Variants in NKAIN2 observed in about 807,000 individuals in gnomAD.
The protein encoded by NKAIN2 is sodium/potassium transporting ATPase interacting 2.
A neutral mutation model predicts 32.6 loss-of-function variants in NKAIN2; 14 were observed. The observed-to-expected ratio is 0.43, with a 90% confidence interval of 0.28 to 0.67. NKAIN2 has a LOEUF of 0.67. Ranked by LOEUF, NKAIN2 falls within the 30% of genes least tolerant of loss-of-function variation. The pLI, the probability that NKAIN2 is intolerant of heterozygous loss-of-function variation, is 0.17. For synonymous variants in NKAIN2, 80 were observed against 87.2 expected, an observed-to-expected ratio of 0.92 and a Z score of 0.46; for missense variants, 198 against 258.3, an observed-to-expected ratio of 0.77 and a Z score of 1.60.
chr6:124,215,788 A>T (rs901206230), intron 1 of NKAIN2, among the ~76,000 whole-genome samples: 2 of 152,182 alleles, frequency 1.3e-5, no homozygotes, highest in African/African-American at 4.8e-5. Context: ...AATACATGAG[A>T]TCCAGAAACT....
intron 5 of NKAIN2, among the ~76,000 whole-genome samples, chr6:124,792,297 T>C (rs1368500015): frequency 6.6e-6 from 1 of 152,116 alleles, no homozygotes; most frequent in Non-Finnish European, 1.5e-5. Flanking sequence ...AAGATAAATA[T>C]CTGTTTCTTC....
chr6:124,137,593 C>T (rs1786882632), intron 1 of NKAIN2, among the ~76,000 whole-genome samples: 1 of 152,212 alleles, frequency 6.6e-6, no homozygotes, highest in East Asian at 1.9e-4. Flanking sequence ...GGAGGCATCA[C>T]TTTACCTGAT....
chr6:123,901,059 T>C (rs1774562960), intron 1 of NKAIN2, among the ~76,000 whole-genome samples: 1 of 152,180 alleles, frequency 6.6e-6, no homozygotes, highest in African/African-American at 2.4e-5. Flanking sequence ...GCCTATTGCA[T>C]CCTCGGTTGT....
chr6:124,086,553 G>C (rs1460271635), intron 1 of NKAIN2, among the ~76,000 whole-genome samples: 1 of 151,892 alleles, frequency 6.6e-6, no homozygotes, highest in East Asian at 1.9e-4. Flanking sequence ...TACCAAGTGT[G>C]TAACACAGTT....
chr6:124,561,075 G>A (rs1004931829), intron 3 of NKAIN2, among the ~76,000 whole-genome samples: 2 of 112,582 alleles, frequency 1.8e-5, no homozygotes, highest in Non-Finnish European at 4.1e-5. Flanking sequence ...CAGCCCTGAT[G>A]TGAGTCACTG....
intron 1 of NKAIN2, among the ~76,000 whole-genome samples, chr6:124,015,360 CA>C (rs1780518547): frequency 6.6e-6 from 1 of 152,106 alleles, no homozygotes; most frequent in African/African-American, 2.4e-5. Context: ...AAAAGAGATG[CA>C]GTAAACTCCT....
chr6:124,149,142 A>T (rs901900583), intron 1 of NKAIN2, among the ~76,000 whole-genome samples: 4 of 139,906 alleles, frequency 2.9e-5, no homozygotes, highest in African/African-American at 9.4e-5. Context: ...TTCCCACTTA[A>T]AAAAAAAAGG....
At chr6:124,698,700 T>C (rs1012614249) in intron 4 of NKAIN2, among the ~76,000 whole-genome samples, 1 of 152,196 alleles carries the variant, frequency 6.6e-6, no homozygotes, top group African/African-American at 2.4e-5. Context: ...AATTTATGTA[T>C]TGTGTTTTTC....
chr6:124,469,026 G>T (rs1311460316), intron 3 of NKAIN2, among the ~76,000 whole-genome samples: 2 of 152,132 alleles, frequency 1.3e-5, no homozygotes, highest in Non-Finnish European at 2.9e-5. Flanking sequence ...GCCCTTTGGG[G>T]ACACCCACAC....
At chr6:124,720,197 A>G (rs928578118) in intron 4 of NKAIN2, among the ~76,000 whole-genome samples, 12 of 152,220 alleles carry the variant, frequency 7.9e-5, no homozygotes, top group African/African-American at 2.7e-4. Flanking sequence ...ATTAAGCAAC[A>G]CAAAGACCAT....
chr6:124,791,543 A>C (rs947827579), intron 5 of NKAIN2, 144 bp downstream of exon 5: 3 of 493,410 alleles, frequency 6.1e-6, no homozygotes, highest in African/African-American at 5.7e-5. Context: ...ATCAGACTAA[A>C]GTGTTTCTCA....
chr6:124,704,496 A>AAAT (rs199629152), intron 4 of NKAIN2, among the ~76,000 whole-genome samples: 3 of 151,936 alleles, frequency 2.0e-5, no homozygotes, highest in Non-Finnish European at 1.5e-5. Context: ...AACTTGTTCC[A>AAAT]AATAATAATA....
At chr6:124,225,721 C>G (rs1372467270) in intron 1 of NKAIN2, among the ~76,000 whole-genome samples, 3 of 151,584 alleles carry the variant, frequency 2.0e-5, no homozygotes, top group African/African-American at 7.3e-5. Flanking sequence ...GTATAATATA[C>G]CTATAAAAAC....
chr6:124,365,898 G>T (rs1330413764), intron 3 of NKAIN2, among the ~76,000 whole-genome samples: 1 of 151,926 alleles, frequency 6.6e-6, no homozygotes, highest in African/African-American at 2.4e-5. Flanking sequence ...GACCTAATAG[G>T]TTGGAATGGA....
At chr6:123,985,524 GATAAACACAATAT>G (rs1360162042) in intron 1 of NKAIN2, among the ~76,000 whole-genome samples, 1 of 152,150 alleles carries the variant, frequency 6.6e-6, no homozygotes, top group Non-Finnish European at 1.5e-5. Context: ...GTTGAGTGAA[GATAAACACAATAT>G]ATATGCAATT....
intron 1 of NKAIN2, among the ~76,000 whole-genome samples, chr6:123,961,638 T>G (rs1017168854): frequency 6.6e-6 from 1 of 152,222 alleles, no homozygotes; most frequent in Admixed American, 6.5e-5. Flanking sequence ...ATTGGAGAGA[T>G]AATGGCTTGA....
chr6:124,334,789 C>T (rs1352515783), intron 2 of NKAIN2, among the ~76,000 whole-genome samples: 1 of 152,134 alleles, frequency 6.6e-6, no homozygotes, highest in Non-Finnish European at 1.5e-5. Flanking sequence ...AGTCTGGTCC[C>T]TAGGCAAGAA....
chr6:124,394,509 T>TAGATA (rs1562152714), intron 3 of NKAIN2, among the ~76,000 whole-genome samples: 25 of 101,566 alleles, frequency 2.5e-4, no homozygotes, highest in Non-Finnish European at 5.2e-4. Context: ...ATAGATAGAT[T>TAGATA]AGATAGATAC....
chr6:124,746,390 T>C lies in NKAIN2; in HGVS notation c.475-44949T>C, dbSNP rs145087536. Among the ~76,000 whole-genome samples the C allele has an allele frequency of 9.2e-5, 14 of 151,950 alleles. No homozygotes were observed. In the East Asian group the frequency reaches 2.1e-3, roughly 23 times the overall value. ...AGGAATGAACTAGTTTAAAAAGAAG[T>C]ACAAAGAACTAAAAGTCTTCACTTT... On this transcript the variant is annotated intron_variant, in intron 4 of 6. Transcript: ENST00000368417.
Sources: gnomAD v4.1 joint callset for allele counts (sites outside exome capture counted in the v4.1 genomes callset) on GRCh38, gnomAD v4.1.1 for gene constraint, MANE v1.5 for transcripts, NCBI Gene and HGNC (gene_info 2026-07-23, HGNC 2026-07-21) for gene names.